Variants in NEUROG1 observed in about 807,000 individuals in gnomAD.
NEUROG1 encodes the protein neurogenin 1, also known as neurogenin-1.
A neutral mutation model predicts 5.7 loss-of-function variants in NEUROG1; 5 were observed. The observed-to-expected ratio is 0.88, with a 90% CI of 0.46 to 1.85. The LOEUF (loss-of-function observed/expected upper bound fraction) is 1.85. Among genes scored for constraint, NEUROG1 ranks in the 40% most tolerant of loss-of-function variants. The probability of loss-of-function intolerance (pLI) is 0.01; values close to 1 mark genes in which losing one functional copy is unlikely to be tolerated. For missense variants in NEUROG1, 403 were observed against 345.7 expected, an observed-to-expected ratio of 1.17 and a Z score of -1.32; for synonymous variants, 196 against 157.4, an observed-to-expected ratio of 1.25 and a Z score of -1.84.
Position 135,535,480 on chromosome 5 carries a change from T to C in NEUROG1, c.211A>G (p.Arg71Gly). The change falls in exon 1 of 1, where the codon AGG becomes GGG. Residue 71 changes from arginine (R) to glycine (G), a missense_variant. By Grantham distance (125) the Arg-to-Gly change is moderately radical. Transcript: ENST00000314744. ...CGCGTCCGGCCGCGGCGCCGCCGCCTCTCCTGCTCGTCGTCCTGTGCCCCT... is the reference window on the plus strand; with the variant it reads ...CGCGTCCGGCCGCGGCGCCGCCGCCCCTCCTGCTCGTCGTCCTGTGCCCCT... ...VPGAQDDEQE[R>G]RRRRGRTRVR... 6.4e-7 allele frequency: 1 copy of C among 1,569,318 alleles called. No individual in the cohort carries two copies. Among genetic ancestry groups the C allele is most frequent in the Non-Finnish European group, 8.6e-7 (1 of 1,163,058 alleles).
rs1268551706 is a variant in NEUROG1 at position 135,534,681 on chromosome 5, G to A, written c.*296C>T. On this transcript the variant is annotated 3_prime_UTR_variant, in exon 1 of 1. Transcript: ENST00000314744. ...TTTTCTAAATCACACTGAAGTGGTG[G>A]CTGGGGTCAGTTCTGAGCCAGTCAC... 8.4e-6 allele frequency: 3 copies of A among 356,110 alleles called. No homozygotes were observed. The Admixed American group carries it at 1.3e-4, about 15-fold the overall frequency. The allele number at this position is 356,110 out of a possible 1,614,324, so 22.1% of individuals were successfully genotyped here.
Position 135,535,669 on chromosome 5 carries a change from A to C in NEUROG1, c.22T>G (p.Cys8Gly), listed in dbSNP as rs772695551. ...CTGGCGCAGTCGAGGTCGGAGATGCAGGTCTCAAGGCGGGCTGGCATCGTT... is the reference window on the plus strand; with the variant it reads ...CTGGCGCAGTCGAGGTCGGAGATGCCGGTCTCAAGGCGGGCTGGCATCGTT... MPARLET[C>G]ISDLDCASSS... Residue 8 changes from cysteine to glycine, a missense_variant, in exon 1 of 1, where the codon TGC becomes GGC. Physicochemically the swap from Cys to Gly is radical, Grantham distance 159. Transcript: ENST00000314744. 6.4e-7 allele frequency: 1 copy of C among 1,570,224 alleles called. No individual in the cohort carries two copies. Among genetic ancestry groups the C allele is most frequent in the South Asian group, 1.2e-5 (1 of 84,740 alleles).
At position 135,535,832 on chromosome 5, in the gene NEUROG1, C is replaced by T. The variant is rs1298723610; in HGVS notation, c.-142G>A. On this transcript the variant is annotated 5_prime_UTR_variant, in exon 1 of 1. Transcript: ENST00000314744. ...CTGTGCCAGTTGCGGGTGCGAGAGC[C>T]TGGAAGGGTGCAGGGGCGCACGGAG... 5 of 789,234 alleles carry T rather than the reference C, an allele frequency of 6.3e-6. No homozygotes were observed. Among genetic ancestry groups the T allele is most frequent in the African/African-American group, 3.7e-5 (2 of 54,324 alleles). 48.9% of individuals were successfully genotyped at this position (789,234 alleles called of 1,614,324 possible).
rs1287755009 is a variant in NEUROG1 at position 135,534,949 on chromosome 5, G to A, written c.*28C>T. ...ATCTATTGCCTGCTGACTAGGGGAG[G>A]GGGAAAGTAACAGTGTCTACAAAGG... is the stretch of plus-strand genomic sequence containing the variant. On this transcript the variant is annotated 3_prime_UTR_variant, in exon 1 of 1. Coordinates refer to ENST00000314744, the MANE Select transcript of NEUROG1 (RefSeq NM_006161.3). The A allele has an allele frequency of 3.1e-6, 5 of 1,600,170 alleles. No individual in the cohort carries two copies. The African/African-American group carries it at 6.8e-5, about 22-fold the overall frequency.
chr5:135,534,796 A>T lies in NEUROG1; in HGVS notation c.*181T>A. On this transcript the variant is annotated 3_prime_UTR_variant, in exon 1 of 1. Transcript: ENST00000314744. ...GCGCTGGGCTGAGGGCCGGAGAAAC[A>T]GACCAAGAGACATCCGCCGCGAGGG... 1.6e-6 allele frequency: 1 copy of T among 621,242 alleles called. No individual in the cohort carries two copies. The highest frequency in any genetic ancestry group is 2.7e-6 in the Non-Finnish European group (1 of 365,568). 38.5% of individuals were successfully genotyped at this position (621,242 alleles called of 1,614,324 possible).
Position 135,535,195 on chromosome 5 carries a change from G to T in NEUROG1, c.496C>A (p.Pro166Thr). 6.2e-7 allele frequency: 1 copy of T among 1,610,156 alleles called. No homozygotes were observed. The change falls in exon 1 of 1, where the codon CCG becomes ACG. Residue 166 changes from proline (P) to threonine (T), a missense_variant. Physicochemically the swap from Pro to Thr is conservative, Grantham distance 38. Coordinates refer to ENST00000314744, the MANE Select transcript of NEUROG1 (RefSeq NM_006161.3). ...PGGGARERLL[P>T]PQCVPCLPGP... is the part of the protein sequence containing the mutation. ...GGCAGGCAGGGGACGCACTGCGGCG[G>T]CAGGAGGCGCTCCCGGGCACCGCCT...
rs1463915265 is a variant in NEUROG1 at position 135,535,405 on chromosome 5, T to G, written c.286A>C (p.Lys96Gln). The G allele has an allele frequency of 6.2e-7, 1 of 1,605,826 alleles. No individual in the cohort carries two copies. Among genetic ancestry groups the G allele is most frequent in the Admixed American group, 1.7e-5 (1 of 59,046 alleles). The change falls in exon 1 of 1, where the codon AAG (lysine) becomes CAG (glutamine). Residue 96 changes from lysine (K) to glutamine (Q), a missense_variant. Physicochemically the swap from Lys to Gln is moderately conservative, Grantham distance 53 (BLOSUM62 1). Coordinates refer to ENST00000314744, the MANE Select transcript of NEUROG1 (RefSeq NM_006161.3). ...CGGTTGCGCTCGCGATCGTTGGCCT[T>G]GACGCGCCGGCTCCTGCGCAGCGAG... ...LHSLRRSRRVKANDRERNRMH... is the reference protein window; with the variant it reads ...LHSLRRSRRVQANDRERNRMH...
In NEUROG1 at chr5:135,535,770, G is replaced by A. The variant is rs1043352476; in HGVS notation, c.-80C>T. 7.5e-6 allele frequency: 10 copies of A among 1,331,086 alleles called. No individual in the cohort carries two copies. The Admixed American group carries it at 2.2e-4, about 29-fold the overall frequency. The allele number at this position is 1,331,086 out of a possible 1,614,324, so 82.5% of individuals were successfully genotyped here. On this transcript the variant is annotated 5_prime_UTR_variant, in exon 1 of 1. Coordinates refer to ENST00000314744, the MANE Select transcript of NEUROG1 (RefSeq NM_006161.3). ...CCCGGACTGAGGGCAGAGCCGCCAG[G>A]GCGCACTTACGTTCCCAACAGCCTG...
In NEUROG1 at chr5:135,534,742, GA is replaced by G; in HGVS notation, c.*234del. On this transcript the variant is annotated 3_prime_UTR_variant, in exon 1 of 1. Transcript: ENST00000314744. The stretch of plus-strand genomic sequence containing the variant: ...TTGTGGAGTTCAGAAAGTGCAAAAG[GA>G]AAGGCCGTCTAGGGGCGGGCAGGAG... 1 of 546,590 alleles carries G rather than the reference GA, an allele frequency of 1.8e-6. No individual in the cohort carries two copies. The allele number at this position is 546,590 out of a possible 1,614,324, so 33.9% of individuals were successfully genotyped here.
Position 135,535,589 on chromosome 5 carries a change from T to A in NEUROG1, c.102A>T (p.Arg34Ser), listed in dbSNP as rs1580682322. ...CCGAAGCGGAGGCTGCCTGTTGGAG[T>A]CTGGCACAGTCTTCCTCGTCGGTGA... ...GFLTDEEDCA[R>S]LQQAASASGP... Residue 34 changes from arginine to serine, a missense_variant, in exon 1 of 1, where the codon AGA (arginine) becomes AGT (serine). Coordinates refer to ENST00000314744, the MANE Select transcript of NEUROG1 (RefSeq NM_006161.3). The A allele has an allele frequency of 3.8e-6, 6 of 1,590,156 alleles. No homozygotes were observed. Among genetic ancestry groups the A allele is most frequent in the Non-Finnish European group, 5.1e-6 (6 of 1,174,700 alleles).
At position 135,534,943 on chromosome 5, in the gene NEUROG1, G is replaced by A. The variant is rs1311607322; in HGVS notation, c.*34C>T. ...GGCCCCATCTATTGCCTGCTGACTA[G>A]GGGAGGGGGAAAGTAACAGTGTCTA... On this transcript the variant is annotated 3_prime_UTR_variant, in exon 1 of 1. Transcript: ENST00000314744. 5.6e-6 allele frequency: 9 copies of A among 1,596,184 alleles called. No individual in the cohort carries two copies. The East Asian group carries it at 6.8e-5, about 12-fold the overall frequency.
At position 135,534,920 on chromosome 5, in the gene NEUROG1, C is replaced by A. The variant is rs1750499293; in HGVS notation, c.*57G>T. On this transcript the variant is annotated 3_prime_UTR_variant, in exon 1 of 1. Transcript: ENST00000314744. ...GGGGGTCCCGAGGCGGCAGCTGGGG[C>A]CCCATCTATTGCCTGCTGACTAGGG... 1.3e-6 allele frequency: 2 copies of A among 1,550,540 alleles called. No individual in the cohort carries two copies. Among genetic ancestry groups the A allele is most frequent in the Non-Finnish European group, 1.7e-6 (2 of 1,147,762 alleles).
In NEUROG1 at chr5:135,535,342, T is replaced by C; in HGVS notation, c.349A>G (p.Ser117Gly). ...TCGTCGGGGAACGAGGGCAGCACGC[T>C]GCGCAGTGCGTCCAGGGCCGCGTTC... The part of the protein sequence containing the change: ...NLNAALDALR[S>G]VLPSFPDDTK... Residue 117 changes from serine (S) to glycine (G), a missense_variant, in exon 1 of 1, where the codon AGC becomes GGC. By Grantham distance (56) the Ser-to-Gly change is moderately conservative. Coordinates refer to ENST00000314744, the MANE Select transcript of NEUROG1 (RefSeq NM_006161.3). The C allele has an allele frequency of 6.2e-7, 1 of 1,613,376 alleles. No individual in the cohort carries two copies. The highest frequency in any genetic ancestry group is 8.5e-7 in the Non-Finnish European group (1 of 1,179,608).
rs1160290562 is a variant in NEUROG1, at chr5:135,534,751, T to C, written c.*226A>G. ...TCAGAAAGTGCAAAAGGAAAGGCCG[T>C]CTAGGGGCGGGCAGGAGGGGCGCTG... On this transcript the variant is annotated 3_prime_UTR_variant, in exon 1 of 1. Coordinates refer to ENST00000314744, the MANE Select transcript of NEUROG1 (RefSeq NM_006161.3). 2 of 557,780 alleles carry C rather than the reference T, an allele frequency of 3.6e-6. No individual in the cohort carries two copies. Among genetic ancestry groups the C allele is most frequent in the Non-Finnish European group, 6.3e-6 (2 of 319,624 alleles). 34.6% of individuals were successfully genotyped at this position (557,780 alleles called of 1,614,324 possible). A position where few individuals can be genotyped will look rare whatever the true frequency, so the allele number is the denominator to read the frequency against.
rs571794945 is a variant in NEUROG1 at position 135,535,518 on chromosome 5, G to A, written c.173C>T (p.Ala58Val). The A allele has an allele frequency of 1.3e-5, 20 of 1,575,036 alleles. No individual in the cohort carries two copies. Among genetic ancestry groups the A allele is most frequent in the East Asian group, 2.3e-5 (1 of 42,894 alleles). Residue 58 changes from alanine (A) to valine (V), a missense_variant, in exon 1 of 1, where the codon GCG becomes GTG. Transcript: ENST00000314744. The part of the protein sequence containing the change: ...ARRGAPNISR[A>V]SEVPGAQDDE... ...GTCCTGTGCCCCTGGAACCTCAGACGCCCGGGAGATATTGGGCGCGCCCCT... is the reference window on the plus strand; with the variant it reads ...GTCCTGTGCCCCTGGAACCTCAGACACCCGGGAGATATTGGGCGCGCCCCT...
rs1750508938 is a variant in NEUROG1, at chr5:135,535,172, C to A, written c.519G>T (p.Leu173=). 6.2e-7 allele frequency: 1 copy of A among 1,609,410 alleles called. No homozygotes were observed. Among genetic ancestry groups the A allele is most frequent in the South Asian group, 1.1e-5 (1 of 90,706 alleles). ...CGCTGGCGGGGCTTGGGGGACCGGG[C>A]AGGCAGGGGACGCACTGCGGCGGCA... ...RLLPPQCVPC[L]PGPPSPASDA... The change falls in exon 1 of 1, where the codon CTG becomes CTT. Residue 173 remains leucine, a synonymous_variant. Transcript: ENST00000314744.
chr5:135,535,434 A>C lies in NEUROG1; in HGVS notation c.257T>G (p.Leu86Arg). The change falls in exon 1 of 1, where the codon CTG (leucine) becomes CGG (arginine). Residue 86 changes from leucine to arginine, a missense_variant. Leu to Arg is a moderately radical substitution (Grantham distance 102). Coordinates refer to ENST00000314744, the MANE Select transcript of NEUROG1 (RefSeq NM_006161.3). ...GRTRVRSEAL[L>R]HSLRRSRRVK... ...GCGCCGGCTCCTGCGCAGCGAGTGC[A>C]GCAGCGCCTCGGAGCGGACCCGCGT... The C allele has an allele frequency of 6.3e-7, 1 of 1,591,190 alleles. No homozygotes were observed. The highest frequency in any genetic ancestry group is 8.5e-7 in the Non-Finnish European group (1 of 1,169,848).
Position 135,534,773 on chromosome 5 carries a change from G to T in NEUROG1, c.*204C>A. The T allele has an allele frequency of 1.8e-6, 1 of 570,918 alleles. No homozygotes were observed. The highest frequency in any genetic ancestry group is 3.0e-6 in the Non-Finnish European group (1 of 328,466). 35.4% of individuals were successfully genotyped at this position (570,918 alleles called of 1,614,324 possible). ...CCGTCTAGGGGCGGGCAGGAGGGGC[G>T]CTGGGCTGAGGGCCGGAGAAACAGA... is the stretch of plus-strand genomic sequence containing the variant. On this transcript the variant is annotated 3_prime_UTR_variant, in exon 1 of 1. Coordinates refer to ENST00000314744, the MANE Select transcript of NEUROG1 (RefSeq NM_006161.3).
rs777954737 is a variant in NEUROG1 at position 135,535,096 on chromosome 5, G to T, written c.595C>A (p.Pro199Thr). 2 of 1,612,882 alleles carry T rather than the reference G, an allele frequency of 1.2e-6. No homozygotes were observed. Among genetic ancestry groups the T allele is most frequent in the East Asian group, 4.5e-5 (2 of 44,816 alleles). The change falls in exon 1 of 1, where the codon CCC becomes ACC. Residue 199 changes from proline (P) to threonine (T), a missense_variant. Coordinates refer to ENST00000314744, the MANE Select transcript of NEUROG1 (RefSeq NM_006161.3). ...TCTTCGGAGGCGGCTGGGCTACTGG[G>T]GTCAGAGAGCGGGGAGGCGGCGGCG... ...GAAAASPLSD[P>T]SSPAASEDFT... is the part of the protein sequence containing the mutation.
Sources: allele counts gnomAD v4.1 joint callset, GRCh38; gene constraint gnomAD v4.1.1; transcripts MANE v1.5; gene names NCBI Gene and HGNC (gene_info 2026-07-23, HGNC 2026-07-21).